The following CCDC71L variants were observed in gnomAD, a reference collection of about 807,000 sequenced individuals.
CCDC71L encodes coiled-coil domain-containing protein 71L.
Under a neutral mutation model 10.2 loss-of-function variants are expected in CCDC71L, and 6 were observed. The ratio of observed to expected loss-of-function variants is 0.59; its 90% confidence interval spans 0.32 to 1.16. The LOEUF (loss-of-function observed/expected upper bound fraction) is 1.16. Among genes scored for constraint, CCDC71L ranks in the 50% most tolerant of loss-of-function variants. The pLI, the probability that CCDC71L is intolerant of heterozygous loss-of-function variation, is 0.05. For synonymous variants in CCDC71L, 204 were observed against 175.5 expected, an observed-to-expected ratio of 1.16 and a Z score of -1.28; for missense variants, 366 against 383.4, an observed-to-expected ratio of 0.95 and a Z score of 0.38.
At position 106,656,212 on chromosome 7, in the gene CCDC71L, C is replaced by T. The variant is rs1792487496; in HGVS notation, c.*3977G>A. 1.3e-5 allele frequency among the ~76,000 whole-genome samples: 2 copies of T among 152,194 alleles called. No homozygotes were observed. Among genetic ancestry groups the T allele is most frequent in the African/African-American group, 4.8e-5 (2 of 41,446 alleles). The stretch of plus-strand genomic sequence containing the variant: ...CTCCACAACTATTACACTACGCTTC[C>T]TCCAACTAATAGGAACTTAGGTACA... On this transcript the variant is annotated 3_prime_UTR_variant, in exon 1 of 1. Transcript: ENST00000523505.
In CCDC71L at chr7:106,660,963, T is replaced by A; in HGVS notation, c.-67A>T. ...ACTGCCGCCGCCGTCCCAGTCCGCG[T>A]TGGCTCCGCGGCGGCGGCTGCTGCT... On this transcript the variant is annotated 5_prime_UTR_variant, in exon 1 of 1. Coordinates refer to ENST00000523505, the MANE Select transcript of CCDC71L (RefSeq NM_175884.6). This position sits in a 1 kb window ranked among gnomAD's most constrained non-coding sequence, Gnocchi z 7.5. 1.5e-6 allele frequency: 2 copies of A among 1,295,894 alleles called. No homozygotes were observed. The highest frequency in any genetic ancestry group is 2.0e-6 in the Non-Finnish European group (2 of 1,023,858). 80.3% of individuals were successfully genotyped at this position (1,295,894 alleles called of 1,614,324 possible). A position where few individuals can be genotyped will look rare whatever the true frequency, so the allele number is the denominator to read the frequency against.
rs761200837 is a variant in CCDC71L at position 106,660,261 on chromosome 7, C to T, written c.636G>A (p.Arg212=). 3.7e-5 allele frequency: 58 copies of T among 1,572,468 alleles called. No homozygotes were observed. Among genetic ancestry groups the T allele is most frequent in the East Asian group, 2.2e-4 (9 of 41,582 alleles). Residue 212 remains arginine, a synonymous_variant, in exon 1 of 1, where the codon AGG becomes AGA. Transcript: ENST00000523505. The surrounding 1 kb of genome is among the most constrained non-coding windows in gnomAD (Gnocchi z 7.5). The part of the protein sequence containing the change: ...GERSLAAARR[R]ARQVLRVNLE... The stretch of plus-strand genomic sequence containing the variant: ...GGTTCACTCGCAGGACCTGGCGCGC[C>T]CTGCGCCGCGCTGCCGCCAGGCTGC...
Position 106,660,671 on chromosome 7 carries a change from C to A in CCDC71L, c.226G>T (p.Glu76Ter). ...RSTEFMSSDA[E>*]LWSFLCSLKH... is the part of the protein sequence containing the mutation. ...AGGCTGCAGAGGAAGCTCCAGAGCTCCGCGTCCGAGCTCATGAACTCCGTG... is the reference window on the plus strand; with the variant it reads ...AGGCTGCAGAGGAAGCTCCAGAGCTACGCGTCCGAGCTCATGAACTCCGTG... The change falls in exon 1 of 1, where the codon GAG becomes TAG. Residue 76 changes from glutamate (E) to a stop codon, truncating the protein, a stop_gained. Coordinates refer to ENST00000523505, the MANE Select transcript of CCDC71L (RefSeq NM_175884.6). LOFTEE classifies it high-confidence loss of function. The surrounding 1 kb of genome is among the most constrained non-coding windows in gnomAD (Gnocchi z 7.5). The A allele has an allele frequency of 6.3e-7, 1 of 1,586,936 alleles. No individual in the cohort carries two copies. The highest frequency in any genetic ancestry group is 1.8e-5 in the Admixed American group (1 of 56,538).
Position 106,659,860 on chromosome 7 carries a change from G to A in CCDC71L, c.*329C>T, listed in dbSNP as rs1584307800. ...CAGACCAGTGAGGTAGAGTCCAACA[G>A]TGAGAAAACGGATCTGCCCCTAAGG... On this transcript the variant is annotated 3_prime_UTR_variant, in exon 1 of 1. Coordinates refer to ENST00000523505, the MANE Select transcript of CCDC71L (RefSeq NM_175884.6). 3.4e-6 allele frequency: 1 copy of A among 294,978 alleles called. No individual in the cohort carries two copies. The allele number at this position is 294,978 out of a possible 1,614,324, so 18.3% of individuals were successfully genotyped here. A position where few individuals can be genotyped will look rare whatever the true frequency, so the allele number is the denominator to read the frequency against.
rs1365594157 is a variant in CCDC71L at position 106,654,785 on chromosome 7, A to G, written c.*5404T>C. ...AAAATTCATCAAACTGTACGTTTAT[A>G]TGTACTTTTTATACATTTGTTTTTG... On this transcript the variant is annotated 3_prime_UTR_variant, in exon 1 of 1. Coordinates refer to ENST00000523505, the MANE Select transcript of CCDC71L (RefSeq NM_175884.6). Among the ~76,000 whole-genome samples, 3 of 152,044 alleles carry G rather than the reference A, an allele frequency of 2.0e-5. No individual in the cohort carries two copies. The highest frequency in any genetic ancestry group is 7.2e-5 in the African/African-American group (3 of 41,396).
Position 106,658,359 on chromosome 7 carries a change from G to A in CCDC71L, c.*1830C>T, listed in dbSNP as rs1288832861. 1.3e-5 allele frequency: 2 copies of A among 152,108 alleles called. No individual in the cohort carries two copies. Among genetic ancestry groups the A allele is most frequent in the Admixed American group, 1.3e-4 (2 of 15,250 alleles). The allele number at this position is 152,108 out of a possible 1,614,324, so 9.4% of individuals were successfully genotyped here. The stretch of plus-strand genomic sequence containing the variant: ...AAAACTGGCATCAAGTTATATATAT[G>A]TGTGTATATATATATCATATTATTT... On this transcript the variant is annotated 3_prime_UTR_variant, in exon 1 of 1. Transcript: ENST00000523505.
chr7:106,656,391 ACT>A lies in CCDC71L; in HGVS notation c.*3796_*3797del, dbSNP rs1349211356. 6.6e-6 allele frequency among the ~76,000 whole-genome samples: 1 copy of A among 151,960 alleles called. No homozygotes were observed. The highest frequency in any genetic ancestry group is 1.5e-5 in the Non-Finnish European group (1 of 67,992). On this transcript the variant is annotated 3_prime_UTR_variant, in exon 1 of 1. Coordinates refer to ENST00000523505, the MANE Select transcript of CCDC71L (RefSeq NM_175884.6). The stretch of plus-strand genomic sequence containing the variant: ...CATACCACTGGTACTCAAATGGAGC[ACT>A]CTTACTTCCTTTCATGCCATGAAAG...
At position 106,660,059 on chromosome 7, in the gene CCDC71L, C is replaced by A; in HGVS notation, c.*130G>T. ...GGACAACCATCCGGCAACTTCTTCG[C>A]GCGTAAAGTGCATTGGGGGCCGGGG... On this transcript the variant is annotated 3_prime_UTR_variant, in exon 1 of 1. Coordinates refer to ENST00000523505, the MANE Select transcript of CCDC71L (RefSeq NM_175884.6). The surrounding 1 kb of genome is among the most constrained non-coding windows in gnomAD (Gnocchi z 7.5). The A allele has an allele frequency of 1.6e-6, 2 of 1,244,416 alleles. No individual in the cohort carries two copies. Among genetic ancestry groups the A allele is most frequent in the Admixed American group, 3.9e-5 (1 of 25,756 alleles). 77.1% of individuals were successfully genotyped at this position (1,244,416 alleles called of 1,614,324 possible).
In CCDC71L at chr7:106,660,003, T is replaced by C. The variant is rs1481736511; in HGVS notation, c.*186A>G. 1 of 819,860 alleles carries C rather than the reference T, an allele frequency of 1.2e-6. No homozygotes were observed. The highest frequency in any genetic ancestry group is 1.8e-6 in the Non-Finnish European group (1 of 568,944). 50.8% of individuals were successfully genotyped at this position (819,860 alleles called of 1,614,324 possible). On this transcript the variant is annotated 3_prime_UTR_variant, in exon 1 of 1. Transcript: ENST00000523505. The surrounding 1 kb of genome is among the most constrained non-coding windows in gnomAD (Gnocchi z 7.5). ...AGCAGAGGGCACACCTGCCCCAGCG[T>C]CCAAGACGACCGCGCCGCGGCCCGG...
At position 106,660,685 on chromosome 7, in the gene CCDC71L, A is replaced by C. The variant is rs1397634024; in HGVS notation, c.212T>G (p.Met71Arg). The change falls in exon 1 of 1, where the codon ATG (methionine) becomes AGG (arginine). Residue 71 changes from methionine to arginine, a missense_variant. Met to Arg is a moderately conservative substitution (Grantham distance 91). Coordinates refer to ENST00000523505, the MANE Select transcript of CCDC71L (RefSeq NM_175884.6). This position sits in a 1 kb window ranked among gnomAD's most constrained non-coding sequence, Gnocchi z 7.5. ...KLFMPRSTEFMSSDAELWSFL... is the reference protein window; with the variant it reads ...KLFMPRSTEFRSSDAELWSFL... The stretch of plus-strand genomic sequence containing the variant: ...GCTCCAGAGCTCCGCGTCCGAGCTC[A>C]TGAACTCCGTGCTGCGGGGCATGAA... 6.3e-7 allele frequency: 1 copy of C among 1,585,860 alleles called. No individual in the cohort carries two copies. The highest frequency in any genetic ancestry group is 8.6e-7 in the Non-Finnish European group (1 of 1,166,152).
chr7:106,655,069 TATG>T lies in CCDC71L; in HGVS notation c.*5117_*5119del, dbSNP rs1461593898. Among the ~76,000 whole-genome samples the T allele has an allele frequency of 6.6e-6, 1 of 152,180 alleles. No individual in the cohort carries two copies. Among genetic ancestry groups the T allele is most frequent in the Admixed American group, 6.5e-5 (1 of 15,282 alleles). ...GGCTAAACATAGTGTTTGGTGTTTT[TATG>T]ATTATTACTTTCCAATTGGGCTTTA... On this transcript the variant is annotated 3_prime_UTR_variant, in exon 1 of 1. Coordinates refer to ENST00000523505, the MANE Select transcript of CCDC71L (RefSeq NM_175884.6).
Position 106,660,682 on chromosome 7 carries a change from C to G in CCDC71L, c.215G>C (p.Ser72Thr), listed in dbSNP as rs1276054687. 6.3e-7 allele frequency: 1 copy of G among 1,585,904 alleles called. No individual in the cohort carries two copies. Among genetic ancestry groups the G allele is most frequent in the Non-Finnish European group, 8.6e-7 (1 of 1,166,128 alleles). ...LFMPRSTEFM[S>T]SDAELWSFLC... ...GAAGCTCCAGAGCTCCGCGTCCGAG[C>G]TCATGAACTCCGTGCTGCGGGGCAT... The change falls in exon 1 of 1, where the codon AGC (serine) becomes ACC (threonine). Residue 72 changes from serine (S) to threonine (T), a missense_variant. Coordinates refer to ENST00000523505, the MANE Select transcript of CCDC71L (RefSeq NM_175884.6). The surrounding 1 kb of genome is among the most constrained non-coding windows in gnomAD (Gnocchi z 7.5).
rs1792511746 is a variant in CCDC71L at position 106,657,593 on chromosome 7, T to C, written c.*2596A>G. 6.6e-6 allele frequency: 1 copy of C among 152,242 alleles called. No individual in the cohort carries two copies. The highest frequency in any genetic ancestry group is 1.5e-5 in the Non-Finnish European group (1 of 68,032). 9.4% of individuals were successfully genotyped at this position (152,242 alleles called of 1,614,324 possible). A position where few individuals can be genotyped will look rare whatever the true frequency, so the allele number is the denominator to read the frequency against. On this transcript the variant is annotated 3_prime_UTR_variant, in exon 1 of 1. Transcript: ENST00000523505. ...TTCACATTCTGTGACAAAGTACCCA[T>C]GAAATACTTTCACTTTCCTATTAGT...
chr7:106,661,009 T>TCGCCTC lies in CCDC71L; in HGVS notation c.-119_-114dup, dbSNP rs1441589620. On this transcript the variant is annotated 5_prime_UTR_variant, in exon 1 of 1. Coordinates refer to ENST00000523505, the MANE Select transcript of CCDC71L (RefSeq NM_175884.6). Reference sequence around the variant, plus strand: ...CTGCTGGCGTCTCTCGCTACTTTTCTCGCCTCCGCCGCCGCCCCTCCCCCT... The same window carrying TCGCCTC: ...CTGCTGGCGTCTCTCGCTACTTTTCTCGCCTCCGCCTCCGCCGCCGCCCCTCCCCCT... 1 of 1,271,260 alleles carries TCGCCTC rather than the reference T, an allele frequency of 7.9e-7. No homozygotes were observed. The highest frequency in any genetic ancestry group is 3.2e-5 in the East Asian group (1 of 30,938). 78.7% of individuals were successfully genotyped at this position (1,271,260 alleles called of 1,614,324 possible).
In CCDC71L at chr7:106,660,459, C is replaced by A; in HGVS notation, c.438G>T (p.Lys146Asn). 1 of 1,226,816 alleles carries A rather than the reference C, an allele frequency of 8.2e-7. No homozygotes were observed. The highest frequency in any genetic ancestry group is 1.0e-6 in the Non-Finnish European group (1 of 985,688). The allele number at this position is 1,226,816 out of a possible 1,614,324, so 76.0% of individuals were successfully genotyped here. Reference protein sequence around the residue: ...GARAAAARRRKPRPPPPPPPP... With the variant: ...GARAAAARRRNPRPPPPPPPP... Reference sequence around the variant, plus strand: ...GCGGCGGTGGGGGTGGCGGCCGGGGCTTCCTCCTGCGGGCAGCGGCCGCCC... The same window carrying A: ...GCGGCGGTGGGGGTGGCGGCCGGGGATTCCTCCTGCGGGCAGCGGCCGCCC... Residue 146 changes from lysine to asparagine, a missense_variant, in exon 1 of 1, where the codon AAG becomes AAT. Physicochemically the swap from Lys to Asn is moderately conservative, Grantham distance 94 (BLOSUM62 0). Transcript: ENST00000523505. The surrounding 1 kb of genome is among the most constrained non-coding windows in gnomAD (Gnocchi z 7.5).
chr7:106,659,882 A>C lies in CCDC71L; in HGVS notation c.*307T>G. 1 of 334,488 alleles carries C rather than the reference A, an allele frequency of 3.0e-6. No homozygotes were observed. The highest frequency in any genetic ancestry group is 5.5e-6 in the Non-Finnish European group (1 of 182,218). 20.7% of individuals were successfully genotyped at this position (334,488 alleles called of 1,614,324 possible). A position where few individuals can be genotyped will look rare whatever the true frequency, so the allele number is the denominator to read the frequency against. On this transcript the variant is annotated 3_prime_UTR_variant, in exon 1 of 1. Transcript: ENST00000523505. The stretch of plus-strand genomic sequence containing the variant: ...ACAGTGAGAAAACGGATCTGCCCCT[A>C]AGGTCCTGGAGACGTCTCAATCGGT...
In CCDC71L at chr7:106,660,836, G is replaced by T. The variant is rs904017245; in HGVS notation, c.61C>A (p.Arg21=). The change falls in exon 1 of 1, where the codon CGG becomes AGG. Residue 21 remains arginine, a synonymous_variant. Coordinates refer to ENST00000523505, the MANE Select transcript of CCDC71L (RefSeq NM_175884.6). The surrounding 1 kb of genome is among the most constrained non-coding windows in gnomAD (Gnocchi z 7.5). The part of the protein sequence containing the change: ...RRPVAPATAA[R]GGDFRAEDGA... Reference sequence around the variant, plus strand: ...TCTTCTGCCCTAAAGTCGCCGCCCCGGGCGGCCGTGGCCGGGGCGACCGGG... The same window carrying T: ...TCTTCTGCCCTAAAGTCGCCGCCCCTGGCGGCCGTGGCCGGGGCGACCGGG... 2 of 1,523,828 alleles carry T rather than the reference G, an allele frequency of 1.3e-6. No homozygotes were observed. The highest frequency in any genetic ancestry group is 1.2e-5 in the South Asian group (1 of 81,656). The allele number at this position is 1,523,828 out of a possible 1,614,324, so 94.4% of individuals were successfully genotyped here.
Position 106,661,092 on chromosome 7 carries a change from G to T in CCDC71L, c.-196C>A. 1.4e-6 allele frequency: 1 copy of T among 723,236 alleles called. No individual in the cohort carries two copies. 44.8% of individuals were successfully genotyped at this position (723,236 alleles called of 1,614,324 possible). Reference sequence around the variant, plus strand: ...TGCCCGGTACAAGATGGCGGCCGGCGCCCACCCCTGGGCTTTGTCATTGGA... The same window carrying T: ...TGCCCGGTACAAGATGGCGGCCGGCTCCCACCCCTGGGCTTTGTCATTGGA... On this transcript the variant is annotated 5_prime_UTR_variant, in exon 1 of 1. Coordinates refer to ENST00000523505, the MANE Select transcript of CCDC71L (RefSeq NM_175884.6).
Position 106,656,142 on chromosome 7 carries a change from C to T in CCDC71L, c.*4047G>A, listed in dbSNP as rs1160762222. Among the ~76,000 whole-genome samples the T allele has an allele frequency of 6.6e-6, 1 of 152,168 alleles. No individual in the cohort carries two copies. Among genetic ancestry groups the T allele is most frequent in the South Asian group, 2.1e-4 (1 of 4,826 alleles). On this transcript the variant is annotated 3_prime_UTR_variant, in exon 1 of 1. Coordinates refer to ENST00000523505, the MANE Select transcript of CCDC71L (RefSeq NM_175884.6). Reference sequence around the variant, plus strand: ...AACTTACCTACAGTCTCAACACTTGCAAGTCACAAAGGTATGCATAATAAT... The same window carrying T: ...AACTTACCTACAGTCTCAACACTTGTAAGTCACAAAGGTATGCATAATAAT...
Sources: allele counts gnomAD v4.1 joint callset (sites outside exome capture counted in the v4.1 genomes callset), GRCh38; gene constraint gnomAD v4.1.1; non-coding constraint Gnocchi (gnomAD v3.1); transcripts MANE v1.5; gene names NCBI Gene and HGNC (gene_info 2026-07-23, HGNC 2026-07-21).